The following SSH2 variants were observed in gnomAD, a reference collection of about 807,000 sequenced individuals.
SSH2 encodes the protein protein phosphatase Slingshot homolog 2.
SSH2 carries 37 observed loss-of-function variants against 135.2 expected under a neutral mutation model. The observed-to-expected ratio is 0.27, with a 90% CI of 0.21 to 0.36. The LOEUF (loss-of-function observed/expected upper bound fraction) is 0.36. Among genes scored for constraint, SSH2 ranks in the 10% least tolerant of loss-of-function variants. SSH2 has a pLI of 1.00. For synonymous variants in SSH2, 628 were observed against 646.2 expected, an observed-to-expected ratio of 0.97 and a Z score of 0.43; for missense variants, 1,408 against 1,765.3, an observed-to-expected ratio of 0.80 and a Z score of 3.63.
At chr17:29,744,314 G>GC (rs2040680098) in intron 3 of SSH2, among the ~76,000 whole-genome samples, 1 of 152,180 alleles carries the variant, frequency 6.6e-6, no homozygotes, top group South Asian at 2.1e-4. Flanking sequence ...CCCAAGATGG[G>GC]CTGGGGTCCC....
chr17:29,676,717 T>C, intron 8 of SSH2, 103 bp downstream of exon 8: 1 of 941,360 alleles, frequency 1.1e-6, no homozygotes, highest in Non-Finnish European at 1.7e-6. Flanking sequence ...AAACAGATCA[T>C]TTAGCATTTT....
intron 14 of SSH2, chr17:29,643,119 T>C (rs753360560): frequency 5.8e-5 from 57 of 985,240 alleles, no homozygotes; most frequent in Non-Finnish European, 6.9e-5. Context: ...CAAGGCTTGA[T>C]AGAGCTTCAT....
At chr17:29,756,391 C>T (rs986921131) in intron 3 of SSH2, among the ~76,000 whole-genome samples, 2 of 152,030 alleles carry the variant, frequency 1.3e-5, no homozygotes, top group African/African-American at 4.8e-5. Context: ...CTGCCTCAGT[C>T]TCTTGAGTAG....
intron 1 of SSH2, among the ~76,000 whole-genome samples, chr17:29,915,151 T>C (rs1000669307): frequency 6.6e-6 from 1 of 152,222 alleles, no homozygotes; most frequent in African/African-American, 2.4e-5. Context: ...AAATAGGTTG[T>C]TTCTATTTTT....
intron 8 of SSH2, 40 bp downstream of exon 8, chr17:29,676,780 C>T (rs865918652): frequency 6.6e-7 from 1 of 1,505,520 alleles, no homozygotes; most frequent in Non-Finnish European, 9.2e-7. Flanking sequence ...CCTCCAATAA[C>T]ATTAAAACAC....
chr17:29,695,375 T>C (rs1301947438), intron 5 of SSH2, 84 bp downstream of exon 5: 4 of 1,001,490 alleles, frequency 4.0e-6, no homozygotes, highest in Admixed American at 2.0e-5. Flanking sequence ...CAGCACTGTG[T>C]TGGGATGTAA....
In SSH2 at chr17:29,627,731, A is replaced by G. The variant is rs1466561333; in HGVS notation, c.*3110T>C. 2 of 152,646 alleles carry G rather than the reference A, an allele frequency of 1.3e-5. No homozygotes were observed. The highest frequency in any genetic ancestry group is 3.8e-4 in the East Asian group (2 of 5,204). 9.5% of individuals were successfully genotyped at this position (152,646 alleles called of 1,614,324 possible). A position where few individuals can be genotyped will look rare whatever the true frequency, so the allele number is the denominator to read the frequency against. ...GTACTACATGTCTACTACAGTATCCATTAGTCCTGGGTGTCTCCAAAAATC... is the reference window on the plus strand; with the variant it reads ...GTACTACATGTCTACTACAGTATCCGTTAGTCCTGGGTGTCTCCAAAAATC... On this transcript the variant is annotated 3_prime_UTR_variant, in exon 16 of 16. Coordinates refer to ENST00000540801, the MANE Select transcript of SSH2 (RefSeq NM_001282129.2).
intron 1 of SSH2, among the ~76,000 whole-genome samples, chr17:29,920,303 G>A (rs944096240): frequency 2.0e-5 from 3 of 152,314 alleles, no homozygotes; most frequent in South Asian, 2.1e-4. Context: ...ACTTAAAGCC[G>A]GATAGGAAAG....
chr17:29,693,580 G>C (rs2151099663), intron 5 of SSH2, among the ~76,000 whole-genome samples: 1 of 151,970 alleles, frequency 6.6e-6, no homozygotes, highest in Admixed American at 6.6e-5. Flanking sequence ...CCAAAGTGTT[G>C]GGATTACAGG....
intron 2 of SSH2, among the ~76,000 whole-genome samples, chr17:29,801,494 C>A (rs1255050374): frequency 6.6e-6 from 1 of 152,142 alleles, no homozygotes; most frequent in African/African-American, 2.4e-5. Flanking sequence ...GCCCCTCTCC[C>A]CTCTCCTATA....
intron 1 of SSH2, among the ~76,000 whole-genome samples, chr17:29,853,769 T>C (rs1319523924): frequency 6.6e-6 from 1 of 151,736 alleles, no homozygotes; most frequent in East Asian, 1.9e-4. Context: ...ATTAGGGTTG[T>C]TGGAAAGACT....
At chr17:29,740,372 C>T (rs965053574) in intron 3 of SSH2, among the ~76,000 whole-genome samples, 2 of 152,132 alleles carry the variant, frequency 1.3e-5, no homozygotes, top group African/African-American at 4.8e-5. Flanking sequence ...GGCAGGCAAC[C>T]AACACTACAG....
intron 3 of SSH2, among the ~76,000 whole-genome samples, chr17:29,765,522 TTTAGA>T (rs1269871138): frequency 6.6e-6 from 1 of 152,158 alleles, no homozygotes; most frequent in African/African-American, 2.4e-5. Context: ...AATGAAAATG[TTTAGA>T]TTAGAGATTA....
At chr17:29,856,745 C>T (rs978801013) in intron 1 of SSH2, among the ~76,000 whole-genome samples, 7 of 152,136 alleles carry the variant, frequency 4.6e-5, no homozygotes, top group Admixed American at 4.6e-4. Flanking sequence ...ATGCCAGTTC[C>T]CAAGGAATCC....
Position 29,631,004 on chromosome 17 carries a change from C to T in SSH2, c.4190G>A (p.Gly1397Glu). The change falls in exon 16 of 16, where the codon GGA becomes GAA. Residue 1397 changes from glycine to glutamate, a missense_variant. Physicochemically the swap from Gly to Glu is moderately conservative, Grantham distance 98. Transcript: ENST00000540801. ...CTGGGTCTGTAGCACGGGAAGGCCT[C>T]CTTCAGAACTAGTCAATTCAAGTCC... ...RAGLELTSSE[G>E]GLPVLQTQGL... 6.2e-7 allele frequency: 1 copy of T among 1,613,960 alleles called. No individual in the cohort carries two copies. Among genetic ancestry groups the T allele is most frequent in the Non-Finnish European group, 8.5e-7 (1 of 1,179,806 alleles).
chr17:29,751,828 T>C (rs564448243), intron 3 of SSH2, among the ~76,000 whole-genome samples: 1 of 152,254 alleles, frequency 6.6e-6, no homozygotes, highest in Non-Finnish European at 1.5e-5. Flanking sequence ...ATATACTAGA[T>C]ATTAGAACCA....
chr17:29,664,839 A>G (rs2037205650), intron 11 of SSH2, among the ~76,000 whole-genome samples: 1 of 152,224 alleles, frequency 6.6e-6, no homozygotes, highest in Non-Finnish European at 1.5e-5. Flanking sequence ...ATTTGCTTGC[A>G]TGGCCTAAAA....
intron 1 of SSH2, among the ~76,000 whole-genome samples, chr17:29,895,033 T>G (rs1034555453): frequency 1.3e-5 from 2 of 151,488 alleles, no homozygotes; most frequent in Admixed American, 6.6e-5. Flanking sequence ...TTCTCTGACA[T>G]AGACTCTCCA....
chr17:29,922,068 A>C (rs1411260317), intron 1 of SSH2, among the ~76,000 whole-genome samples: 2 of 152,140 alleles, frequency 1.3e-5, no homozygotes, highest in African/African-American at 4.8e-5. Context: ...AGTGACATTT[A>C]AGCTGAGACC....
Sources: gnomAD v4.1 joint callset for allele counts (sites outside exome capture counted in the v4.1 genomes callset) on GRCh38, gnomAD v4.1.1 for gene constraint, MANE v1.5 for transcripts, NCBI Gene and HGNC (gene_info 2026-07-23, HGNC 2026-07-21) for gene names.